ZFHX4: variants seen among roughly 807,000 people sequenced by gnomAD.
ZFHX4 encodes zinc finger homeobox protein 4.
ZFHX4 carries 56 observed loss-of-function variants against 267.6 expected under a neutral mutation model. The observed-to-expected ratio is 0.21, with a 90% CI of 0.17 to 0.26. The LOEUF (loss-of-function observed/expected upper bound fraction) is 0.26. Ranked by LOEUF, ZFHX4 falls within the 10% of genes least tolerant of loss-of-function variation. ZFHX4 has a pLI of 1.00. For missense variants in ZFHX4, 4,332 were observed against 4,420.0 expected (o/e 0.98, Z 0.56); for synonymous variants, 1,778 against 1,665.6 (o/e 1.07, Z -1.64).
In ZFHX4 at chr8:76,850,358, T is replaced by C. The variant is rs1812482130; in HGVS notation, c.3960T>C (p.Tyr1320=). 1 of 1,608,758 alleles carries C rather than the reference T, an allele frequency of 6.2e-7. No homozygotes were observed. Among genetic ancestry groups the C allele is most frequent in the African/African-American group, 1.3e-5 (1 of 74,812 alleles). ...TGACAGCTGAGGGGTCTGGGAAATA[T>C]TCAGGTATGCCATCTTATCATCAAG... ...AAVTAEGSGK[Y]SGESPMDDKS... is the part of the protein sequence containing the mutation. The change falls in exon 9 of 11, where the codon TAT becomes TAC. Residue 1320 remains tyrosine (Y), a synonymous_variant. Coordinates refer to ENST00000651372, the MANE Select transcript of ZFHX4 (RefSeq NM_024721.5).
intron 5 of ZFHX4, among the ~76,000 whole-genome samples, chr8:76,835,443 T>G (rs1053566203): frequency 1.3e-5 from 2 of 151,590 alleles, no homozygotes; most frequent in East Asian, 1.9e-4. Flanking sequence ...ACCTGCTATA[T>G]AGAACAATAA....
At chr8:76,857,787 G>T (rs987569664) in intron 10 of ZFHX4, among the ~76,000 whole-genome samples, 3 of 150,736 alleles carry the variant, frequency 2.0e-5, no homozygotes, top group Admixed American at 1.3e-4. Context: ...TGTTTTGGTT[G>T]TACATTTTAT....
chr8:76,731,889 T>TATTATTA (rs1195212684), intron 3 of ZFHX4, among the ~76,000 whole-genome samples: 6 of 150,130 alleles, frequency 4.0e-5, no homozygotes, highest in African/African-American at 1.5e-4. Context: ...TTATTATTAT[T>TATTATTA]ATTTTTGAGA....
chr8:76,797,886 ATG>A (rs10694486), intron 4 of ZFHX4, among the ~76,000 whole-genome samples: 3,762 of 139,796 alleles, frequency 0.027, 111 homozygotes, highest in African/African-American at 0.08. Context: ...GTGTGTCTGT[ATG>A]TGTGTGTGTG....
intron 4 of ZFHX4, among the ~76,000 whole-genome samples, chr8:76,832,498 T>G (rs1465666138): frequency 1.3e-5 from 2 of 152,074 alleles, no homozygotes; most frequent in African/African-American, 2.4e-5. Flanking sequence ...GGGATTGGAT[T>G]GGAAAGACAG....
intron 1 of ZFHX4, among the ~76,000 whole-genome samples, chr8:76,686,201 G>A (rs563914000): frequency 2.6e-5 from 4 of 152,066 alleles, no homozygotes; most frequent in Admixed American, 6.5e-5. Context: ...CCTAAAAAAC[G>A]TACACCAGAC....
chr8:76,712,426 C>T (rs552283415), intron 3 of ZFHX4, among the ~76,000 whole-genome samples: 4 of 151,742 alleles, frequency 2.6e-5, no homozygotes, highest in African/African-American at 2.4e-5. Flanking sequence ...AATAATAACC[C>T]GATCAGTTTG....
chr8:76,739,885 C>T (rs576955415), intron 3 of ZFHX4, among the ~76,000 whole-genome samples: 114 of 152,234 alleles, frequency 7.5e-4, no homozygotes, highest in African/African-American at 2.5e-3. Flanking sequence ...TGATTGTCTT[C>T]TTCTTACCTC....
At chr8:76,803,445 A>C (rs1811169979) in intron 4 of ZFHX4, among the ~76,000 whole-genome samples, 2 of 152,120 alleles carry the variant, frequency 1.3e-5, no homozygotes, top group African/African-American at 4.8e-5. Flanking sequence ...TTTCTTTGAC[A>C]ATGTTTATTT....
In ZFHX4 at chr8:76,705,729, T is replaced by A; in HGVS notation, c.1641T>A (p.Ser547Arg). The change falls in exon 2 of 11, where the codon AGT (serine) becomes AGA (arginine). Residue 547 changes from serine (S) to arginine (R), a missense_variant. Physicochemically the swap from Ser to Arg is moderately radical, Grantham distance 110. Around this residue, in one of 7 missense-constraint regions of ZFHX4, gnomAD observed 1,195 missense variants for 1,173.6 expected, o/e 1.02. Transcript: ENST00000651372. Reference protein sequence around the residue: ...KQTAAVRASGSVASNYGISGK... With the variant: ...KQTAAVRASGRVASNYGISGK... Reference sequence around the variant, plus strand: ...CTGCTGCTGTTAGGGCCAGTGGCAGTGTTGCTAGTAACTATGGCATCAGTG... The same window carrying A: ...CTGCTGCTGTTAGGGCCAGTGGCAGAGTTGCTAGTAACTATGGCATCAGTG... 6.2e-7 allele frequency: 1 copy of A among 1,614,004 alleles called. No individual in the cohort carries two copies. Among genetic ancestry groups the A allele is most frequent in the South Asian group, 1.1e-5 (1 of 91,086 alleles).
chr8:76,761,059 C>T (rs954803467), intron 3 of ZFHX4, among the ~76,000 whole-genome samples: 1 of 151,990 alleles, frequency 6.6e-6, no homozygotes, highest in Non-Finnish European at 1.5e-5. Context: ...GAGAGTCCAT[C>T]ACAAGGGAAA....
At chr8:76,693,536 T>A (rs1807877027) in intron 1 of ZFHX4, 1 of 152,212 alleles carries the variant, frequency 6.6e-6, no homozygotes, top group Non-Finnish European at 1.5e-5. Context: ...TATGTGTGTG[T>A]GCCCTCTTCA....
intron 3 of ZFHX4, among the ~76,000 whole-genome samples, chr8:76,721,179 A>G (rs73347341): frequency 0.052 from 7,880 of 152,188 alleles, 420 homozygotes; most frequent in East Asian, 0.24. Flanking sequence ...GTGAGGGCTG[A>G]CAAATTAGAA....
intron 3 of ZFHX4, among the ~76,000 whole-genome samples, chr8:76,711,563 T>C (rs948951911): frequency 6.6e-6 from 1 of 152,202 alleles, no homozygotes. Context: ...TGTGTTCCTA[T>C]TCTTTACAAA....
At chr8:76,720,447 C>T (rs1349334817) in intron 3 of ZFHX4, among the ~76,000 whole-genome samples, 1 of 152,040 alleles carries the variant, frequency 6.6e-6, no homozygotes, top group Non-Finnish European at 1.5e-5. Context: ...CACTTGTTGT[C>T]TATTATGGAA....
At chr8:76,804,726 C>T (rs1442407697) in intron 4 of ZFHX4, among the ~76,000 whole-genome samples, 1 of 112,012 alleles carries the variant, frequency 8.9e-6, no homozygotes, top group Non-Finnish European at 1.8e-5. Context: ...TTTGGGGTTA[C>T]CTTTAAATAT....
At chr8:76,691,365 A>T (rs1467499375) in intron 1 of ZFHX4, among the ~76,000 whole-genome samples, 3 of 152,064 alleles carry the variant, frequency 2.0e-5, no homozygotes, top group Non-Finnish European at 4.4e-5. Flanking sequence ...CTTAAAGTGT[A>T]TTTATCATAA....
intron 5 of ZFHX4, among the ~76,000 whole-genome samples, chr8:76,838,508 T>C (rs1395799463): frequency 1.3e-5 from 2 of 152,162 alleles, no homozygotes; most frequent in Admixed American, 1.3e-4. Context: ...GGAAGTCAGA[T>C]TTAAGTAGAT....
chr8:76,747,672 C>A (rs766681043), intron 3 of ZFHX4, among the ~76,000 whole-genome samples: 1 of 152,150 alleles, frequency 6.6e-6, no homozygotes, highest in Non-Finnish European at 1.5e-5. Flanking sequence ...TGGCTCACGC[C>A]TGTAATCCCA....
Sources: allele counts gnomAD v4.1 joint callset (sites outside exome capture counted in the v4.1 genomes callset), GRCh38; gene constraint gnomAD v4.1.1; regional missense constraint gnomAD v4.1.1; transcripts MANE v1.5; gene names NCBI Gene and HGNC (gene_info 2026-07-23, HGNC 2026-07-21).